The following METTL25 variants were observed in gnomAD, a reference collection of about 807,000 sequenced individuals.
METTL25 encodes methyltransferase like 25.
METTL25 carries 64 observed loss-of-function variants against 71.6 expected under a neutral mutation model. The observed-to-expected ratio is 0.89, with a 90% CI of 0.73 to 1.10. METTL25 has a LOEUF of 1.10. Among genes scored for constraint, METTL25 ranks in the 50% least tolerant of loss-of-function variants. METTL25 has a pLI of 0.00. For synonymous variants in METTL25, 287 were observed against 250.3 expected (o/e 1.15, Z -1.38); for missense variants, 807 against 707.0 (o/e 1.14, Z -1.60).
chr12:82,431,635 T>A (rs143137732), intron 6 of METTL25, among the ~76,000 whole-genome samples: 3 of 151,708 alleles, frequency 2.0e-5, no homozygotes, highest in African/African-American at 7.2e-5. Flanking sequence ...ACAGTAATTA[T>A]GTAAGATGGT....
chr12:82,455,956 G>A (rs1401134123), intron 8 of METTL25, among the ~76,000 whole-genome samples: 1 of 151,788 alleles, frequency 6.6e-6, no homozygotes, highest in Non-Finnish European at 1.5e-5. Flanking sequence ...ATAAAAAGTG[G>A]AATTGAGATG....
chr12:82,424,339 G>GA (rs1592701417), intron 5 of METTL25, among the ~76,000 whole-genome samples: 1 of 151,490 alleles, frequency 6.6e-6, no homozygotes, highest in East Asian at 2.0e-4. Flanking sequence ...TGAACATTGA[G>GA]AACACTTGGA....
chr12:82,383,290 T>G (rs1328729242), intron 1 of METTL25, among the ~76,000 whole-genome samples: 2 of 151,704 alleles, frequency 1.3e-5, no homozygotes, highest in Non-Finnish European at 2.9e-5. Context: ...TTCTCCTGTC[T>G]CAGCCTCCCA....
chr12:82,475,729 T>A (rs1892843877), intron 9 of METTL25, among the ~76,000 whole-genome samples: 2 of 152,148 alleles, frequency 1.3e-5, no homozygotes, highest in East Asian at 3.8e-4. Context: ...TTTTTCCTGT[T>A]GCTTTCATAT....
Position 82,398,821 on chromosome 12 carries a change from C to G in METTL25, c.558C>G (p.Gly186=). 1.9e-6 allele frequency: 3 copies of G among 1,558,874 alleles called. No individual in the cohort carries two copies. Among genetic ancestry groups the G allele is most frequent in the Non-Finnish European group, 2.6e-6 (3 of 1,161,866 alleles). ...KQVIDLGSGK[G]YLSSFLSLKY... ...TGATTGACTTGGGTTCCGGTAAAGG[C>G]TACCTAAGCTCTTTTTTGTCCTTGA... The change falls in exon 4 of 12, where the codon GGC becomes GGG. Residue 186 remains glycine, a synonymous_variant. Coordinates refer to ENST00000248306, the MANE Select transcript of METTL25 (RefSeq NM_032230.3).
At chr12:82,427,427 T>C (rs941963599) in intron 5 of METTL25, among the ~76,000 whole-genome samples, 1 of 151,986 alleles carries the variant, frequency 6.6e-6, no homozygotes, top group Admixed American at 6.6e-5. Flanking sequence ...TCTAATAATA[T>C]ACCCTTTCCA....
chr12:82,358,553 G>C lies in METTL25; in HGVS notation c.-13G>C. The C allele has an allele frequency of 1.2e-6, 2 of 1,608,200 alleles. No individual in the cohort carries two copies. The highest frequency in any genetic ancestry group is 1.7e-5 in the Admixed American group (1 of 60,016). On this transcript the variant is annotated 5_prime_UTR_variant, in exon 1 of 12. Coordinates refer to ENST00000248306, the MANE Select transcript of METTL25 (RefSeq NM_032230.3). The stretch of plus-strand genomic sequence containing the variant: ...CATGTTTGCGCCACCTACAGCCTCG[G>C]AGGGTGAGCGTCATGGCGGCTTCTT...
chr12:82,434,263 T>C (rs1194786174), intron 6 of METTL25, among the ~76,000 whole-genome samples: 1 of 151,376 alleles, frequency 6.6e-6, no homozygotes, highest in Non-Finnish European at 1.5e-5. Context: ...GATGAAATCA[T>C]ATGTTTATTA....
At chr12:82,372,067 G>C (rs532047444) in intron 1 of METTL25, among the ~76,000 whole-genome samples, 1 of 152,272 alleles carries the variant, frequency 6.6e-6, no homozygotes, top group East Asian at 1.9e-4. Context: ...TCGTGCTGCA[G>C]CTAAAGCTGC....
chr12:82,365,698 C>T (rs1215905935), intron 1 of METTL25, among the ~76,000 whole-genome samples: 1 of 152,092 alleles, frequency 6.6e-6, no homozygotes, highest in East Asian at 1.9e-4. Flanking sequence ...TAGTCTAAGT[C>T]AGGATAGCTA....
chr12:82,432,650 C>T (rs934632402), intron 6 of METTL25, among the ~76,000 whole-genome samples: 3 of 151,656 alleles, frequency 2.0e-5, no homozygotes, highest in African/African-American at 7.2e-5. Context: ...GCAGACCATG[C>T]TGGCCTTAAC....
intron 1 of METTL25, among the ~76,000 whole-genome samples, chr12:82,372,851 C>G (rs1377557237): frequency 1.3e-5 from 2 of 152,154 alleles, no homozygotes; most frequent in African/African-American, 2.4e-5. Context: ...AATAGTTGCA[C>G]TCGCCGACGT....
intron 8 of METTL25, among the ~76,000 whole-genome samples, chr12:82,450,359 A>G (rs910962124): frequency 3.3e-4 from 50 of 152,162 alleles, no homozygotes; most frequent in African/African-American, 9.6e-4. Flanking sequence ...CCTAGGTTCA[A>G]TCTTTCAGCA....
chr12:82,409,515 A>AT (rs1407544314), intron 5 of METTL25, among the ~76,000 whole-genome samples: 1 of 152,068 alleles, frequency 6.6e-6, no homozygotes, highest in Non-Finnish European at 1.5e-5. Flanking sequence ...CTAGTTACCA[A>AT]TTCAGATCCA....
intron 1 of METTL25, among the ~76,000 whole-genome samples, chr12:82,380,780 G>T (rs1884367564): frequency 6.6e-6 from 1 of 152,196 alleles, no homozygotes; most frequent in African/African-American, 2.4e-5. Flanking sequence ...ACCAGATGGT[G>T]ATAAGTGCTT....
chr12:82,396,281 T>C (rs894918731), intron 3 of METTL25, among the ~76,000 whole-genome samples: 1 of 152,090 alleles, frequency 6.6e-6, no homozygotes, highest in African/African-American at 2.4e-5. Flanking sequence ...TTCCCTGCAA[T>C]ACCTATCCTA....
intron 8 of METTL25, among the ~76,000 whole-genome samples, chr12:82,447,879 C>A (rs1040867070): frequency 6.6e-6 from 1 of 152,004 alleles, no homozygotes; most frequent in Non-Finnish European, 1.5e-5. Context: ...ACATATTATA[C>A]TCCAATATCT....
intron 8 of METTL25, among the ~76,000 whole-genome samples, chr12:82,445,992 A>G (rs190940628): frequency 6.6e-6 from 1 of 152,264 alleles, no homozygotes; most frequent in East Asian, 1.9e-4. Context: ...TTTACTGCAT[A>G]GGATGTCGGC....
intron 7 of METTL25, among the ~76,000 whole-genome samples, chr12:82,436,724 A>G (rs1020719466): frequency 7.3e-5 from 11 of 151,248 alleles, no homozygotes; most frequent in African/African-American, 2.4e-4. Context: ...AACAATATAA[A>G]TACATATTTA....
Sources: gnomAD v4.1 joint callset for allele counts (sites outside exome capture counted in the v4.1 genomes callset) on GRCh38, gnomAD v4.1.1 for gene constraint, MANE v1.5 for transcripts, NCBI Gene and HGNC (gene_info 2026-07-23, HGNC 2026-07-21) for gene names.